Variants in IGF2BP3 observed in about 807,000 individuals in gnomAD.
IGF2BP3 encodes insulin like growth factor 2 mRNA binding protein 3.
In IGF2BP3, 9 loss-of-function variants were observed where a neutral mutation model predicts 73.8. That is an observed-to-expected ratio of 0.12 (90% confidence interval 0.07 to 0.21). IGF2BP3 has a LOEUF of 0.21. Among genes scored for constraint, IGF2BP3 ranks in the 10% least tolerant of loss-of-function variants. The pLI is 1.00. For missense variants in IGF2BP3, 542 were observed against 714.0 expected, an observed-to-expected ratio of 0.76 and a Z score of 2.75; for synonymous variants, 258 against 256.7, an observed-to-expected ratio of 1.01 and a Z score of -0.05.
rs763288801 is a variant in IGF2BP3, at chr7:23,361,718, C to T, written c.309G>A (p.Gln103=). 1.2e-6 allele frequency: 2 copies of T among 1,613,964 alleles called. No homozygotes were observed. The highest frequency in any genetic ancestry group is 1.1e-5 in the South Asian group (1 of 91,056). The change falls in exon 4 of 15, where the codon CAG becomes CAA. Residue 103 remains glutamine, a synonymous_variant. Transcript: ENST00000258729. ...GCTCACAGCTCTCCACCACTCCATA[C>T]TGGACTAGTAAACTATCCAGCACCT... ...QWEVLDSLLV[Q]YGVVESCEQV... is the part of the protein sequence containing the mutation.
At chr7:23,367,456 AC>A (rs1785411805) in intron 3 of IGF2BP3, among the ~76,000 whole-genome samples, 1 of 150,632 alleles carries the variant, frequency 6.6e-6, no homozygotes, top group African/African-American at 2.5e-5. Context: ...CAAAAAAAAA[AC>A]CACGAAAAAA....
At chr7:23,398,691 T>C (rs1285609445) in intron 3 of IGF2BP3, among the ~76,000 whole-genome samples, 1 of 152,236 alleles carries the variant, frequency 6.6e-6, no homozygotes, top group African/African-American at 2.4e-5. Flanking sequence ...TCATGTGCTT[T>C]TTGGCTGCAT....
intron 3 of IGF2BP3, among the ~76,000 whole-genome samples, chr7:23,382,861 C>T (rs929538063): frequency 8.0e-6 from 1 of 125,580 alleles, no homozygotes; most frequent in Admixed American, 9.6e-5. Flanking sequence ...AGTTTGAGAC[C>T]ATCCTGGGCA....
chr7:23,439,051 T>C (rs1276895300), intron 2 of IGF2BP3, among the ~76,000 whole-genome samples: 2 of 152,120 alleles, frequency 1.3e-5, no homozygotes, highest in Non-Finnish European at 1.5e-5. Flanking sequence ...AAGACCAGCC[T>C]GGGCAACGAA....
intron 2 of IGF2BP3, among the ~76,000 whole-genome samples, chr7:23,448,615 CTGTTTGTT>C (rs36159876): frequency 7.8e-4 from 118 of 151,072 alleles, no homozygotes; most frequent in African/African-American, 1.4e-3. Context: ...GTTGCCCAGG[CTGTTTGTT>C]TGTTTGTTTG....
intron 3 of IGF2BP3, among the ~76,000 whole-genome samples, chr7:23,416,728 C>A (rs1787200916): frequency 1.3e-5 from 2 of 152,144 alleles, no homozygotes; most frequent in African/African-American, 4.8e-5. Flanking sequence ...GGCTTTGGCA[C>A]AAAACAAGCG....
At chr7:23,458,972 G>A (rs1015483618) in intron 2 of IGF2BP3, among the ~76,000 whole-genome samples, 1 of 152,224 alleles carries the variant, frequency 6.6e-6, no homozygotes, top group Non-Finnish European at 1.5e-5. Context: ...GCAGCAGGTG[G>A]CAATGGGTTC....
At chr7:23,326,276 C>G (rs1387596939) in intron 10 of IGF2BP3, among the ~76,000 whole-genome samples, 1 of 152,156 alleles carries the variant, frequency 6.6e-6, no homozygotes, top group Admixed American at 6.5e-5. Flanking sequence ...AGACACTTCT[C>G]AAAAGAAGAC....
chr7:23,419,493 C>T (rs1367178003), intron 2 of IGF2BP3, among the ~76,000 whole-genome samples: 4 of 152,218 alleles, frequency 2.6e-5, no homozygotes, highest in African/African-American at 7.2e-5. Context: ...CAAGTTTTAA[C>T]ATTCTGCTAA....
At chr7:23,443,927 T>C (rs144359945) in intron 2 of IGF2BP3, among the ~76,000 whole-genome samples, 283 of 152,242 alleles carry the variant, frequency 1.9e-3, no homozygotes, top group African/African-American at 6.7e-3. Flanking sequence ...GAGAATCGCT[T>C]GAACCCAGGA....
intron 2 of IGF2BP3, among the ~76,000 whole-genome samples, chr7:23,425,275 G>A (rs1448857605): frequency 1.3e-5 from 2 of 152,088 alleles, no homozygotes; most frequent in Non-Finnish European, 2.9e-5. Flanking sequence ...TTTATGTAGT[G>A]GTCCAAAGTC....
rs750807156 is a variant in IGF2BP3 at position 23,468,518 on chromosome 7, G to A, written c.200C>T (p.Pro67Leu). The A allele has an allele frequency of 3.1e-6, 5 of 1,614,078 alleles. No homozygotes were observed. Among genetic ancestry groups the A allele is most frequent in the Non-Finnish European group, 4.2e-6 (5 of 1,180,036 alleles). ...TGGGACCGAGTGCTCAACTTCTATG[G>A]GTTTCCCGTGCAGTTCTATTTTACC... ...LSGKIELHGKPIEVEHSVPKR... is the reference protein window; with the variant it reads ...LSGKIELHGKLIEVEHSVPKR... Residue 67 changes from proline (P) to leucine (L), a missense_variant, in exon 2 of 15, where the codon CCC becomes CTC. Transcript: ENST00000258729.
chr7:23,365,303 C>T (rs1785341951), intron 3 of IGF2BP3, among the ~76,000 whole-genome samples: 1 of 152,128 alleles, frequency 6.6e-6, no homozygotes, highest in Non-Finnish European at 1.5e-5. Flanking sequence ...AAATAAACAT[C>T]CTTCTTAATT....
chr7:23,376,005 G>C (rs1038443013), intron 3 of IGF2BP3, among the ~76,000 whole-genome samples: 1 of 152,190 alleles, frequency 6.6e-6, no homozygotes, highest in Non-Finnish European at 1.5e-5. Context: ...AGCATGAGCA[G>C]TTCTCAACAT....
intron 3 of IGF2BP3, among the ~76,000 whole-genome samples, chr7:23,411,280 T>C (rs1185234899): frequency 1.3e-5 from 2 of 152,212 alleles, no homozygotes; most frequent in Non-Finnish European, 2.9e-5. Flanking sequence ...ATGTTGCCAA[T>C]TACACCTAAA....
rs768585874 is a variant in IGF2BP3, at chr7:23,347,606, A to G, written c.812T>C (p.Ile271Thr). Reference protein sequence around the residue: ...LEIMHKEAQDIKFTEEIPLKI... With the variant: ...LEIMHKEAQDTKFTEEIPLKI... ...GACAATCTTCTTTACTCACAATTTTATATCTTGAGCTTCCTTATGCATAAT... is the reference window on the plus strand; with the variant it reads ...GACAATCTTCTTTACTCACAATTTTGTATCTTGAGCTTCCTTATGCATAAT... The change falls in exon 7 of 15, where the codon ATA becomes ACA. Residue 271 changes from isoleucine (I) to threonine (T), a missense_variant. Transcript: ENST00000258729. 4 of 1,613,298 alleles carry G rather than the reference A, an allele frequency of 2.5e-6. No homozygotes were observed. The highest frequency in any genetic ancestry group is 1.1e-5 in the South Asian group (1 of 90,872).
chr7:23,407,134 C>T (rs1028238100), intron 3 of IGF2BP3, among the ~76,000 whole-genome samples: 9 of 146,336 alleles, frequency 6.2e-5, no homozygotes, highest in East Asian at 6.0e-4. Context: ...AAAGGATAAG[C>T]GAATACTACA....
At chr7:23,397,266 G>C (rs1297147608) in intron 3 of IGF2BP3, among the ~76,000 whole-genome samples, 1 of 152,212 alleles carries the variant, frequency 6.6e-6, no homozygotes, top group Admixed American at 6.5e-5. Context: ...GCACATAGTA[G>C]GCACTCTGAT....
intron 7 of IGF2BP3, among the ~76,000 whole-genome samples, chr7:23,346,860 G>A (rs1228462710): frequency 6.6e-6 from 1 of 151,696 alleles, no homozygotes; most frequent in Non-Finnish European, 1.5e-5. Flanking sequence ...CAAAGTGCTG[G>A]GATTACAGGC....
Sources: allele counts gnomAD v4.1 joint callset (sites outside exome capture counted in the v4.1 genomes callset), GRCh38; gene constraint gnomAD v4.1.1; transcripts MANE v1.5; gene names NCBI Gene and HGNC (gene_info 2026-07-23, HGNC 2026-07-21).